Variants in SLC8A1 observed in about 807,000 individuals in gnomAD.
The protein encoded by SLC8A1 is sodium/calcium exchanger 1.
In SLC8A1, 18 loss-of-function variants were observed where a neutral mutation model predicts 68.3. The ratio of observed to expected loss-of-function variants is 0.26; its 90% CI spans 0.18 to 0.39. The LOEUF (loss-of-function observed/expected upper bound fraction) is 0.39, where lower values mean the gene tolerates loss of function less well. Among genes scored for constraint, SLC8A1 ranks in the 10% least tolerant of loss-of-function variants. The pLI, the probability that SLC8A1 is intolerant of heterozygous loss-of-function variation, is 1.00. For synonymous variants in SLC8A1, 475 were observed against 415.5 expected (o/e 1.14, Z -1.74); for missense variants, 985 against 1,156.7 (o/e 0.85, Z 2.15).
intron 1 of SLC8A1, among the ~76,000 whole-genome samples, chr2:40,492,475 A>C (rs965787129): frequency 1.3e-5 from 2 of 152,162 alleles, no homozygotes; most frequent in African/African-American, 2.4e-5. Context: ...AATGGCAACA[A>C]AAGCCAAAAT....
chr2:40,330,899 T>C (rs2076339243), intron 2 of SLC8A1, among the ~76,000 whole-genome samples: 1 of 152,162 alleles, frequency 6.6e-6, no homozygotes, highest in South Asian at 2.1e-4. Flanking sequence ...CAGATAAATA[T>C]CTAATCTAAT....
At chr2:40,273,900 G>A (rs2066369456) in intron 2 of SLC8A1, among the ~76,000 whole-genome samples, 1 of 142,680 alleles carries the variant, frequency 7.0e-6, no homozygotes, top group Non-Finnish European at 1.5e-5. Context: ...GTTGAGATGT[G>A]CTGTCAGCCT....
chr2:40,421,518 A>G (rs569112496), intron 2 of SLC8A1, among the ~76,000 whole-genome samples: 5 of 152,190 alleles, frequency 3.3e-5, no homozygotes, highest in African/African-American at 4.8e-5. Context: ...TCAAAAAACT[A>G]TATCTGGAAA....
intron 2 of SLC8A1, among the ~76,000 whole-genome samples, chr2:40,375,756 A>C (rs1253366544): frequency 6.6e-6 from 1 of 152,162 alleles, no homozygotes; most frequent in East Asian, 1.9e-4. Flanking sequence ...TAATCCCAGC[A>C]CTTTGGAAGG....
chr2:40,170,440 C>A, intron 4 of SLC8A1, 91 bp from the exon 7 acceptor site: 1 of 1,059,696 alleles, frequency 9.4e-7, no homozygotes, highest in Non-Finnish European at 1.5e-6. Flanking sequence ...AACATCACAC[C>A]CAGATGCACA....
At chr2:40,129,727 AC>A (rs971134338) in intron 7 of SLC8A1, among the ~76,000 whole-genome samples, 4 of 152,000 alleles carry the variant, frequency 2.6e-5, no homozygotes, top group African/African-American at 9.7e-5. Flanking sequence ...CATAACACCA[AC>A]CCTCCAAACA....
At chr2:40,440,247 T>C (rs1700220946) in intron 1 of SLC8A1, among the ~76,000 whole-genome samples, 2 of 152,162 alleles carry the variant, frequency 1.3e-5, no homozygotes, top group Non-Finnish European at 2.9e-5. Context: ...ATGCTGACAC[T>C]GCTAGATTAT....
intron 2 of SLC8A1, among the ~76,000 whole-genome samples, chr2:40,277,794 GTATATATATATATATATATA>G (rs56145701): frequency 1.8e-4 from 19 of 108,024 alleles, no homozygotes; most frequent in Admixed American, 5.4e-4. Context: ...ATATATGTGT[GTATATATATATATATATATA>G]TATATATATA....
chr2:40,259,445 C>T (rs2064389396), intron 2 of SLC8A1, among the ~76,000 whole-genome samples: 1 of 152,154 alleles, frequency 6.6e-6, no homozygotes, highest in South Asian at 2.1e-4. Context: ...TGCCAGAGCT[C>T]TTTCCCATTG....
intron 2 of SLC8A1, among the ~76,000 whole-genome samples, chr2:40,284,446 A>AATGTATATCTATAG (rs2067980055): frequency 7.0e-6 from 1 of 142,780 alleles, no homozygotes; most frequent in African/African-American, 2.7e-5. Flanking sequence ...TCTATATATA[A>AATGTATATCTATAG]ATGTATATCT....
intron 2 of SLC8A1, among the ~76,000 whole-genome samples, chr2:40,314,136 G>A (rs2074120632): frequency 6.6e-6 from 1 of 151,848 alleles, no homozygotes; most frequent in Non-Finnish European, 1.5e-5. Context: ...TATAATTGAG[G>A]TTTTTTATTA....
chr2:40,350,597 A>G (rs1670766781), intron 2 of SLC8A1, among the ~76,000 whole-genome samples: 1 of 59,364 alleles, frequency 1.7e-5, no homozygotes, highest in South Asian at 7.0e-4. Flanking sequence ...CAAAAAAAAA[A>G]AAAAAAAAAA....
intron 1 of SLC8A1, among the ~76,000 whole-genome samples, chr2:40,498,506 A>G (rs1394990709): frequency 6.6e-6 from 1 of 152,132 alleles, no homozygotes; most frequent in Non-Finnish European, 1.5e-5. Context: ...TCTAAAACCT[A>G]TCAGACAGAT....
chr2:40,347,265 T>C (rs1291061495), intron 2 of SLC8A1, among the ~76,000 whole-genome samples: 2 of 152,236 alleles, frequency 1.3e-5, no homozygotes, highest in Admixed American at 6.5e-5. Context: ...CCTCCCAAAG[T>C]GCTAGGATTA....
At chr2:40,151,204 T>C (rs409620) in intron 6 of SLC8A1, among the ~76,000 whole-genome samples, 81,039 of 152,038 alleles carry the variant, frequency 0.53, 22,012 homozygotes, top group Middle Eastern at 0.68. Flanking sequence ...TCAAGTGATA[T>C]GAAGTTTGAC....
chr2:40,390,382 G>C (rs540144244), intron 2 of SLC8A1, among the ~76,000 whole-genome samples: 51 of 152,048 alleles, frequency 3.4e-4, no homozygotes, highest in African/African-American at 1.1e-3. Context: ...CAAAGTCTGT[G>C]GCAATTTCTC....
At chr2:40,103,907 A>G (rs577299409) in exon 8 of SLC8A1, 1 of 152,348 alleles carries the variant, frequency 6.6e-6, no homozygotes, top group Admixed American at 6.5e-5. Context: ...AACTTAAAGT[A>G]CCTTCAACCC....
At chr2:40,266,027 C>T (rs1042196187) in intron 2 of SLC8A1, among the ~76,000 whole-genome samples, 9 of 152,192 alleles carry the variant, frequency 5.9e-5, no homozygotes, top group Non-Finnish European at 8.8e-5. Context: ...ATCATACTAA[C>T]TCCTAACTTC....
At chr2:40,342,644 T>G (rs1055744090) in intron 2 of SLC8A1, among the ~76,000 whole-genome samples, 1 of 152,152 alleles carries the variant, frequency 6.6e-6, no homozygotes, top group Non-Finnish European at 1.5e-5. Flanking sequence ...ACAAGGAATT[T>G]AGGGAACTTA....
Sources: allele counts gnomAD v4.1 joint callset (sites outside exome capture counted in the v4.1 genomes callset), GRCh38; gene constraint gnomAD v4.1.1; transcripts MANE v1.5; gene names NCBI Gene and HGNC (gene_info 2026-07-23, HGNC 2026-07-21).